DESI1: variants seen among roughly 807,000 people sequenced by gnomAD.
DESI1 encodes the protein desumoylating isopeptidase 1.
In DESI1, 17 loss-of-function variants were observed where a neutral mutation model predicts 22.4. The observed-to-expected ratio is 0.76, with a 90% CI of 0.52 to 1.14. DESI1 has a LOEUF of 1.14. Ranked by LOEUF, DESI1 falls within the 50% of genes most tolerant of loss-of-function variation. The pLI is 0.00. For synonymous variants in DESI1, 92 were observed against 84.2 expected (o/e 1.09, Z -0.51); for missense variants, 177 against 208.9 (o/e 0.85, Z 0.94).
At chr22:41,620,690 G>C (rs2067584099) in intron 1 of DESI1, 62 bp downstream of exon 1, 1 of 1,513,942 alleles carries the variant, frequency 6.6e-7, no homozygotes, top group Admixed American at 2.1e-5. Flanking sequence ...CCCCACCTCG[G>C]CCAGCCGCCA....
intron 1 of DESI1, among the ~76,000 whole-genome samples, chr22:41,616,988 T>C (rs547022559): frequency 6.6e-6 from 1 of 152,274 alleles, no homozygotes; most frequent in African/African-American, 2.4e-5. Flanking sequence ...GGATTTAATT[T>C]GGGAAAATGG....
intron 1 of DESI1, among the ~76,000 whole-genome samples, chr22:41,615,405 CACA>C (rs2067544692): frequency 1.3e-5 from 2 of 149,174 alleles, no homozygotes; most frequent in South Asian, 2.1e-4. Context: ...AGCCTGGGCA[CACA>C]ACAAGACTCT....
At chr22:41,609,663 T>C (rs1159668989) in intron 1 of DESI1, among the ~76,000 whole-genome samples, 1 of 151,648 alleles carries the variant, frequency 6.6e-6, no homozygotes. Context: ...CTGGGTGTGG[T>C]GGCATGCACC....
In DESI1 at chr22:41,598,203, A is replaced by G. The variant is rs539619898; in HGVS notation, c.*2894T>C. On this transcript the variant is annotated 3_prime_UTR_variant, in exon 6 of 6. Coordinates refer to ENST00000263256, the MANE Select transcript of DESI1 (RefSeq NM_015704.3). ...CCCTCCTCCTTCCCTATCCCTTTAA[A>G]CCAATGGACCTCTAGAGGTGTCCAC... 3 of 152,236 alleles carry G rather than the reference A, an allele frequency of 2.0e-5. No homozygotes were observed. Among genetic ancestry groups the G allele is most frequent in the African/African-American group, 7.2e-5 (3 of 41,538 alleles). 9.4% of individuals were successfully genotyped at this position (152,236 alleles called of 1,614,324 possible).
chr22:41,613,171 T>C (rs1420184465), intron 1 of DESI1, among the ~76,000 whole-genome samples: 6 of 152,224 alleles, frequency 3.9e-5, no homozygotes, highest in Non-Finnish European at 2.9e-5. Context: ...CACATGTGAC[T>C]AGTGTTTACT....
chr22:41,620,789 G>C lies in DESI1; in HGVS notation c.51C>G (p.Ser17=), dbSNP rs2067587025. The C allele has an allele frequency of 1.2e-6, 2 of 1,612,898 alleles. No individual in the cohort carries two copies. The highest frequency in any genetic ancestry group is 1.7e-6 in the Non-Finnish European group (2 of 1,179,470). The change falls in exon 1 of 6, where the codon TCC becomes TCG. Residue 17 remains serine (S), a synonymous_variant. Transcript: ENST00000263256. ...YPVKLYVYDL[S]KGLARRLSPI... is the part of the protein sequence containing the mutation. The stretch of plus-strand genomic sequence containing the variant: ...GGCTGAGCCGCCGGGCCAGGCCTTT[G>C]GACAGGTCGTACACGTAGAGCTTCA...
intron 3 of DESI1, among the ~76,000 whole-genome samples, chr22:41,604,898 T>A (rs947826528): frequency 1.3e-5 from 2 of 152,068 alleles, no homozygotes; most frequent in African/African-American, 4.8e-5. Flanking sequence ...GCTGGCAGCA[T>A]AGTTAGGAGT....
At chr22:41,618,802 C>T (rs1380877473) in intron 1 of DESI1, among the ~76,000 whole-genome samples, 4 of 152,186 alleles carry the variant, frequency 2.6e-5, no homozygotes, top group South Asian at 4.1e-4. Flanking sequence ...TGGTGGCTGA[C>T]GCCTGTAATC....
At chr22:41,606,722 C>T (rs1356609104) in intron 3 of DESI1, among the ~76,000 whole-genome samples, 7 of 135,490 alleles carry the variant, frequency 5.2e-5, no homozygotes, top group Admixed American at 2.6e-4. Flanking sequence ...TGCAGTGAGC[C>T]GAGATCGCAC....
At position 41,610,381 on chromosome 22, in the gene DESI1, C is replaced by CAA. The variant is rs35989089; in HGVS notation, c.89-2522_89-2521dup. Among the ~76,000 whole-genome samples the CAA allele has an allele frequency of 9.9e-5, 13 of 131,212 alleles. No individual in the cohort carries two copies. In the East Asian group the frequency reaches 1.1e-3, roughly 11 times the overall value. 86.1% of individuals were successfully genotyped at this position (131,212 alleles called of 152,430 possible). The stretch of plus-strand genomic sequence containing the variant: ...TGGGCAACAGGGTGAGACTCTGTCT[C>CAA]AAAAAAAAAAAAAATTCTACTTCAG... On this transcript the variant is annotated intron_variant, in intron 1 of 5. Coordinates refer to ENST00000263256, the MANE Select transcript of DESI1 (RefSeq NM_015704.3).
chr22:41,602,958 G>T, intron 5 of DESI1: 1 of 542,094 alleles, frequency 1.8e-6, no homozygotes, highest in Non-Finnish European at 2.8e-6. Flanking sequence ...GGCATGCTTC[G>T]AGCACAATGG....
chr22:41,614,572 C>T (rs1226399296), intron 1 of DESI1, among the ~76,000 whole-genome samples: 1 of 136,368 alleles, frequency 7.3e-6, no homozygotes, highest in East Asian at 2.2e-4. Context: ...GTGTGAGCTA[C>T]TGTGCCCGGC....
chr22:41,619,569 C>T (rs1401494841), intron 1 of DESI1, among the ~76,000 whole-genome samples: 1 of 152,152 alleles, frequency 6.6e-6, no homozygotes, highest in Non-Finnish European at 1.5e-5. Flanking sequence ...TTTTTCTAAT[C>T]TCATTTACAA....
Position 41,599,428 on chromosome 22 carries a change from A to G in DESI1, c.*1669T>C, listed in dbSNP as rs1387712172. The G allele has an allele frequency of 1.3e-5, 2 of 152,154 alleles. No individual in the cohort carries two copies. Among genetic ancestry groups the G allele is most frequent in the Non-Finnish European group, 2.9e-5 (2 of 68,028 alleles). The allele number at this position is 152,154 out of a possible 1,614,324, so 9.4% of individuals were successfully genotyped here. A position where few individuals can be genotyped will look rare whatever the true frequency, so the allele number is the denominator to read the frequency against. On this transcript the variant is annotated 3_prime_UTR_variant, in exon 6 of 6. Transcript: ENST00000263256. ...GCAGCAAGTCATTAGGAAAATGCCC[A>G]CTCATGCCCCAACCTGCCTTTCTAA...
At chr22:41,615,270 A>AT (rs1181773052) in intron 1 of DESI1, among the ~76,000 whole-genome samples, 1 of 108,946 alleles carries the variant, frequency 9.2e-6, no homozygotes, top group African/African-American at 4.2e-5. Flanking sequence ...TCTACTAAAA[A>AT]TTAAAAAAAA....
chr22:41,602,904 C>G, intron 5 of DESI1: 2 of 753,824 alleles, frequency 2.7e-6, no homozygotes, highest in Non-Finnish European at 3.5e-6. Flanking sequence ...GACCCCCTCT[C>G]TGCTTGTCTA....
At chr22:41,606,126 G>C (rs2147040510) in intron 3 of DESI1, among the ~76,000 whole-genome samples, 1 of 152,190 alleles carries the variant, frequency 6.6e-6, no homozygotes, top group East Asian at 1.9e-4. Context: ...GAGAATTCTG[G>C]CTTATGCAGT....
At chr22:41,605,448 G>C (rs1204658411) in intron 3 of DESI1, among the ~76,000 whole-genome samples, 2 of 152,186 alleles carry the variant, frequency 1.3e-5, no homozygotes, top group African/African-American at 2.4e-5. Flanking sequence ...CTCCAGAACA[G>C]AGCTCCCTGA....
intron 1 of DESI1, among the ~76,000 whole-genome samples, chr22:41,613,703 TG>T (rs1200159521): frequency 2.0e-5 from 3 of 152,230 alleles, no homozygotes; most frequent in Non-Finnish European, 4.4e-5. Context: ...CCTGGCATAC[TG>T]CACTCCCAGT....
Sources: gnomAD v4.1 joint callset for allele counts (sites outside exome capture counted in the v4.1 genomes callset) on GRCh38, gnomAD v4.1.1 for gene constraint, MANE v1.5 for transcripts, NCBI Gene and HGNC (gene_info 2026-07-23, HGNC 2026-07-21) for gene names.